Variants in PRKCB observed in about 807,000 individuals in gnomAD.
PRKCB encodes protein kinase C beta type.
In PRKCB, 13 loss-of-function variants were observed where a neutral mutation model predicts 81.5. The observed-to-expected ratio is 0.16, with a 90% confidence interval of 0.10 to 0.25. The LOEUF (loss-of-function observed/expected upper bound fraction) is 0.25, where lower values mean the gene tolerates loss of function less well. PRKCB is among the 10% of genes least tolerant of loss of function. The pLI, the probability that PRKCB is intolerant of heterozygous loss-of-function variation, is 1.00. For missense variants in PRKCB, 509 were observed against 875.7 expected (o/e 0.58, Z 5.29); for synonymous variants, 335 against 321.4 (o/e 1.04, Z -0.45).
intron 5 of PRKCB, among the ~76,000 whole-genome samples, chr16:24,058,122 G>T (rs796644615): frequency 1.3e-5 from 2 of 152,008 alleles, no homozygotes; most frequent in African/African-American, 4.8e-5. Flanking sequence ...CCTCAGCTTG[G>T]GTTGCTTTTC....
intron 3 of PRKCB, among the ~76,000 whole-genome samples, chr16:24,006,102 T>G (rs1965116045): frequency 6.6e-6 from 1 of 152,184 alleles, no homozygotes. Flanking sequence ...ACTTATCTAT[T>G]ATCTCCCTAC....
At chr16:24,205,900 A>C (rs1329592588) in intron 16 of PRKCB, among the ~76,000 whole-genome samples, 1 of 152,234 alleles carries the variant, frequency 6.6e-6, no homozygotes, top group Non-Finnish European at 1.5e-5. Flanking sequence ...AGAGAATAAC[A>C]GGAGGGAAGA....
intron 2 of PRKCB, among the ~76,000 whole-genome samples, chr16:23,948,206 G>C (rs1244129104): frequency 6.6e-6 from 1 of 152,124 alleles, no homozygotes. Flanking sequence ...AGATTGCCTG[G>C]TCTGGACTCT....
intron 2 of PRKCB, among the ~76,000 whole-genome samples, chr16:23,960,226 T>A (rs530892575): frequency 7.9e-5 from 12 of 152,310 alleles, no homozygotes; most frequent in Middle Eastern, 3.4e-3. Context: ...CTTCCTTTTT[T>A]AAAAAATTTC....
chr16:23,901,919 T>A (rs1963480523), intron 2 of PRKCB, among the ~76,000 whole-genome samples: 1 of 152,022 alleles, frequency 6.6e-6, no homozygotes, highest in South Asian at 2.1e-4. Flanking sequence ...TGTGGCTGAG[T>A]GTGTGTGCCT....
At chr16:23,947,315 C>T (rs1235514392) in intron 2 of PRKCB, among the ~76,000 whole-genome samples, 2 of 152,244 alleles carry the variant, frequency 1.3e-5, no homozygotes, top group East Asian at 3.8e-4. Flanking sequence ...GGAGCAGCTG[C>T]TCAGCCCTGC....
At chr16:24,189,186 GT>G (rs1321140770) in intron 15 of PRKCB, among the ~76,000 whole-genome samples, 1 of 152,178 alleles carries the variant, frequency 6.6e-6, no homozygotes, top group Non-Finnish European at 1.5e-5. Flanking sequence ...CAGAGGTGGA[GT>G]CTGCACCCAG....
chr16:24,190,946 C>A, intron 15 of PRKCB, 144 bp from the exon 16 acceptor site: 1 of 985,946 alleles, frequency 1.0e-6, no homozygotes, highest in Non-Finnish European at 1.5e-6. Flanking sequence ...GGATTTTTTG[C>A]TGGGATAAAA....
chr16:24,147,480 C>T (rs925222813), intron 9 of PRKCB, among the ~76,000 whole-genome samples: 6 of 152,042 alleles, frequency 3.9e-5, no homozygotes, highest in Admixed American at 2.0e-4. Context: ...GAACTGGAAT[C>T]GTGACTGCAG....
chr16:24,103,866 C>T (rs544774860), intron 7 of PRKCB, among the ~76,000 whole-genome samples: 9 of 152,184 alleles, frequency 5.9e-5, no homozygotes, highest in African/African-American at 1.2e-4. Context: ...AGTGCAACGC[C>T]GCGATCTTGG....
At chr16:24,197,598 C>T (rs1967898381) in intron 16 of PRKCB, among the ~76,000 whole-genome samples, 1 of 152,178 alleles carries the variant, frequency 6.6e-6, no homozygotes, top group Non-Finnish European at 1.5e-5. Flanking sequence ...ATAACATGTT[C>T]TGACTTTGGG....
chr16:24,111,360 G>A (rs1445538360), intron 7 of PRKCB: 1 of 152,040 alleles, frequency 6.6e-6, no homozygotes, highest in African/African-American at 2.4e-5. Flanking sequence ...GGAGTTTTGG[G>A]GTCTTTTTTC....
At chr16:24,075,752 G>A (rs1256623170) in intron 5 of PRKCB, among the ~76,000 whole-genome samples, 1 of 152,198 alleles carries the variant, frequency 6.6e-6, no homozygotes, top group Non-Finnish European at 1.5e-5. Flanking sequence ...ATGCTGAATT[G>A]TAACTATATT....
In PRKCB at chr16:24,161,098, A is replaced by T. The variant is rs1410729561; in HGVS notation, c.1239+6241A>T. Among the ~76,000 whole-genome samples the T allele has an allele frequency of 2.0e-5, 3 of 152,316 alleles. No individual in the cohort carries two copies. The East Asian group carries it at 5.8e-4, about 29-fold the overall frequency. Reference sequence around the variant, plus strand: ...AGACTCAGAATTTTAAAGATAAAAGATTCTTAATAGGCTCTTAAAAAATCT... The same window carrying T: ...AGACTCAGAATTTTAAAGATAAAAGTTTCTTAATAGGCTCTTAAAAAATCT... On this transcript the variant is annotated intron_variant, in intron 10 of 16. Transcript: ENST00000643927.
intron 2 of PRKCB, among the ~76,000 whole-genome samples, chr16:23,885,855 C>T (rs893782806): frequency 6.6e-6 from 1 of 152,164 alleles, no homozygotes; most frequent in Non-Finnish European, 1.5e-5. Context: ...TGAGCCATCA[C>T]CAGGTTGATC....
At chr16:24,029,872 ATGTTATTAAC>A (rs1172464480) in intron 3 of PRKCB, among the ~76,000 whole-genome samples, 1 of 152,206 alleles carries the variant, frequency 6.6e-6, no homozygotes, top group Non-Finnish European at 1.5e-5. Context: ...CCTAAGGCCC[ATGTTATTAAC>A]TTCTGCCATG....
At chr16:24,095,742 G>T (rs994558433) in intron 7 of PRKCB, among the ~76,000 whole-genome samples, 1 of 151,946 alleles carries the variant, frequency 6.6e-6, no homozygotes, top group South Asian at 2.1e-4. Context: ...TTAGGTTGGC[G>T]GTCTGGTCGG....
intron 2 of PRKCB, among the ~76,000 whole-genome samples, chr16:23,945,079 G>A (rs547058645): frequency 6.6e-6 from 1 of 152,318 alleles, no homozygotes; most frequent in Non-Finnish European, 1.5e-5. Context: ...GAGGGCCAGA[G>A]AGGGGACTTC....
intron 2 of PRKCB, among the ~76,000 whole-genome samples, chr16:23,884,949 C>T (rs1963177034): frequency 4.2e-4 from 1 of 2,388 alleles, no homozygotes; most frequent in Non-Finnish European, 7.5e-4. Flanking sequence ...GCAGGGCACT[C>T]CCAGGTTCTC....
Sources: allele counts gnomAD v4.1 joint callset (sites outside exome capture counted in the v4.1 genomes callset), GRCh38; gene constraint gnomAD v4.1.1; transcripts MANE v1.5; gene names NCBI Gene and HGNC (gene_info 2026-07-23, HGNC 2026-07-21).